Variants in SPEN observed in about 807,000 individuals in gnomAD.
The protein encoded by SPEN is spen family transcriptional repressor.
In SPEN, 18 loss-of-function variants were observed where a neutral mutation model predicts 269.9. The ratio of observed to expected loss-of-function variants is 0.07; its 90% confidence interval spans 0.05 to 0.10. SPEN has a LOEUF of 0.10. Ranked by LOEUF, SPEN falls within the 10% of genes least tolerant of loss-of-function variation. The pLI is 1.00. For missense variants in SPEN, 3,822 were observed against 4,631.2 expected (o/e 0.83, Z 5.07); for synonymous variants, 1,726 against 1,765.7 (o/e 0.98, Z 0.56).
Position 15,928,436 on chromosome 1 carries a change from A to G in SPEN, c.2196A>G (p.Arg732=), listed in dbSNP as rs555715522. 67 of 1,614,124 alleles carry G rather than the reference A, an allele frequency of 4.2e-5. 1 individual carries two copies. The South Asian group carries it at 6.9e-4, about 17-fold the overall frequency. The part of the protein sequence containing the change: ...IERSQSPVHL[R]RPQSPGASPS... ...GAAGTCAAAGTCCTGTTCACTTGCG[A>G]CGTCCACAGAGTCCTGGAGCGTCTC... The change falls in exon 11 of 15, where the codon CGA becomes CGG. Residue 732 remains arginine, a synonymous_variant. Transcript: ENST00000375759. The surrounding 1 kb of genome is among the most constrained non-coding windows in gnomAD (Gnocchi z 5.7).
chr1:15,867,861 A>G (rs888014033), intron 1 of SPEN, among the ~76,000 whole-genome samples: 2 of 151,644 alleles, frequency 1.3e-5, no homozygotes, highest in Non-Finnish European at 2.9e-5. Flanking sequence ...GTATCCGTAT[A>G]TGTGCTCTGC....
chr1:15,926,391 A>T (rs2071167777), intron 10 of SPEN, among the ~76,000 whole-genome samples: 1 of 150,976 alleles, frequency 6.6e-6, no homozygotes, highest in Admixed American at 6.6e-5. Context: ...ACATACACAC[A>T]CACACACACA....
Position 15,939,391 on chromosome 1 carries a change from C to T in SPEN, c.10959C>T (p.Ile3653=), listed in dbSNP as rs1428239536. The part of the protein sequence containing the change: ...APDLLASISN[I]SPHLMIVIAS... ...ACCTCCTTGCCAGCATCTCCAACAT[C>T]TCTCCCCACCTCATGATTGTCATTG... Residue 3653 remains isoleucine (I), a synonymous_variant, in exon 15 of 15, where the codon ATC becomes ATT. Coordinates refer to ENST00000375759, the MANE Select transcript of SPEN (RefSeq NM_015001.3). This position sits in a 1 kb window ranked among gnomAD's most constrained non-coding sequence, Gnocchi z 4.1. 1 of 1,605,064 alleles carries T rather than the reference C, an allele frequency of 6.2e-7. No individual in the cohort carries two copies. Among genetic ancestry groups the T allele is most frequent in the Non-Finnish European group, 8.5e-7 (1 of 1,175,838 alleles).
rs970852367 is a variant in SPEN at position 15,935,531 on chromosome 1, G to T, written c.9291G>T (p.Glu3097Asp). Residue 3097 changes from glutamate to aspartate, a missense_variant, in exon 11 of 15, where the codon GAG becomes GAT. By Grantham distance (45) the Glu-to-Asp change is conservative (BLOSUM62 2). This residue lies in a region of SPEN where 153 missense variants were observed against 228.5 expected (regional missense o/e 0.67). Transcript: ENST00000375759. This position sits in a 1 kb window ranked among gnomAD's most constrained non-coding sequence, Gnocchi z 7.7. The stretch of plus-strand genomic sequence containing the variant: ...CCCTGAGCCACCTCTCCCAGGGCGA[G>T]GTGAGAATGAACACTCCCACGCTGC... ...TVSLSHLSQG[E>D]VRMNTPTLPS... is the part of the protein sequence containing the mutation. 4 of 1,614,032 alleles carry T rather than the reference G, an allele frequency of 2.5e-6. No individual in the cohort carries two copies. The highest frequency in any genetic ancestry group is 3.4e-6 in the Non-Finnish European group (4 of 1,179,994).
chr1:15,929,515 C>G lies in SPEN; in HGVS notation c.3275C>G (p.Ala1092Gly), dbSNP rs867858239. The G allele has an allele frequency of 6.2e-7, 1 of 1,613,260 alleles. No homozygotes were observed. Among genetic ancestry groups the G allele is most frequent in the African/African-American group, 1.3e-5 (1 of 74,908 alleles). The change falls in exon 11 of 15, where the codon GCA becomes GGA. Residue 1092 changes from alanine (A) to glycine (G), a missense_variant. By Grantham distance (60) the Ala-to-Gly change is moderately conservative. This residue lies in a region of SPEN where 572 missense variants were observed against 582.6 expected (regional missense o/e 0.98). Coordinates refer to ENST00000375759, the MANE Select transcript of SPEN (RefSeq NM_015001.3). This position sits in a 1 kb window ranked among gnomAD's most constrained non-coding sequence, Gnocchi z 5.8. ...CTACAAGCAAGACTGGGAGAACTAG[C>G]AGGTGAATCTGTGGAAAATCAAGAA... ...SDLQARLGEL[A>G]GESVENQEVQ...
chr1:15,867,431 C>G (rs571369152), intron 1 of SPEN, among the ~76,000 whole-genome samples: 110 of 152,206 alleles, frequency 7.2e-4, no homozygotes, highest in Non-Finnish European at 1.2e-3. Context: ...TTCCTGAGCT[C>G]AAGCAATCTG....
At chr1:15,866,281 A>G (rs1451883521) in intron 1 of SPEN, among the ~76,000 whole-genome samples, 1 of 152,118 alleles carries the variant, frequency 6.6e-6, no homozygotes, top group Non-Finnish European at 1.5e-5. Context: ...TGCCATCTTT[A>G]GTAATTATTT....
chr1:15,909,985 G>A (rs889803529), intron 4 of SPEN, among the ~76,000 whole-genome samples: 4 of 151,924 alleles, frequency 2.6e-5, no homozygotes, highest in East Asian at 1.9e-4. Context: ...TTAGCTGGGC[G>A]TGGTGGCGGG....
chr1:15,915,322 G>GC lies in SPEN; in HGVS notation c.1244-805dup, dbSNP rs1324439746. On this transcript the variant is annotated intron_variant, in intron 5 of 14. Coordinates refer to ENST00000375759, the MANE Select transcript of SPEN (RefSeq NM_015001.3). ...GCCCAGAGACCAGCCTGGGCAACAGGCTGGGGGGGTGGAAAAACTAGCTAG... is the reference window on the plus strand; with the variant it reads ...GCCCAGAGACCAGCCTGGGCAACAGGCCTGGGGGGGTGGAAAAACTAGCTAG... 9.9e-5 allele frequency among the ~76,000 whole-genome samples: 15 copies of GC among 152,226 alleles called. No homozygotes were observed. In the East Asian group the frequency reaches 2.9e-3, roughly 29 times the overall value.
chr1:15,860,790 C>CG (rs1272938541), intron 1 of SPEN, among the ~76,000 whole-genome samples: 2 of 151,524 alleles, frequency 1.3e-5, no homozygotes, highest in African/African-American at 4.8e-5. Flanking sequence ...TTAGTAGAGA[C>CG]GGGGTTTCAC....
chr1:15,874,300 C>A, intron 2 of SPEN: 1 of 1,366,398 alleles, frequency 7.3e-7, no homozygotes, highest in Non-Finnish European at 9.8e-7. Flanking sequence ...AGGTGGATTA[C>A]CCCCATAAGA....
chr1:15,897,725 C>T (rs1012453245), intron 3 of SPEN, among the ~76,000 whole-genome samples: 1 of 152,126 alleles, frequency 6.6e-6, no homozygotes, highest in Non-Finnish European at 1.5e-5. Flanking sequence ...TCTCAAACTC[C>T]TGACCTTAGG....
chr1:15,894,540 T>G (rs913335271), intron 3 of SPEN, among the ~76,000 whole-genome samples: 3 of 142,436 alleles, frequency 2.1e-5, no homozygotes, highest in African/African-American at 5.5e-5. Flanking sequence ...ATGGTTGTTT[T>G]TTTTTTTTTT....
chr1:15,928,077 T>C lies in SPEN; in HGVS notation c.1851-14T>C, dbSNP rs927762625. 8.9e-6 allele frequency: 14 copies of C among 1,574,008 alleles called. No homozygotes were observed. The highest frequency in any genetic ancestry group is 1.2e-5 in the Non-Finnish European group (14 of 1,157,364). ...GGAAACAAAAGAACTAATATCTTTG[T>C]TATTTTTTGGCAGAGAGGAACGAAG... On this transcript the variant is annotated splice_polypyrimidine_tract_variant and intron_variant, in intron 10 of 14. Transcript: ENST00000375759. The surrounding 1 kb of genome is among the most constrained non-coding windows in gnomAD (Gnocchi z 5.7).
chr1:15,856,032 G>T (rs377618885), intron 1 of SPEN, among the ~76,000 whole-genome samples: 7 of 92,512 alleles, frequency 7.6e-5, no homozygotes, highest in Admixed American at 1.5e-4. Flanking sequence ...TCTCTCTCTT[G>T]CCCAGGCTGG....
intron 3 of SPEN, among the ~76,000 whole-genome samples, chr1:15,878,023 G>T (rs2070649670): frequency 6.6e-6 from 1 of 152,074 alleles, no homozygotes; most frequent in South Asian, 2.1e-4. Flanking sequence ...GGGATTACCA[G>T]TGTGAGCTAC....
chr1:15,932,617 G>A lies in SPEN; in HGVS notation c.6377G>A (p.Ser2126Asn). The A allele has an allele frequency of 1.9e-6, 3 of 1,608,530 alleles. No individual in the cohort carries two copies. Among genetic ancestry groups the A allele is most frequent in the Non-Finnish European group, 2.6e-6 (3 of 1,176,292 alleles). Residue 2126 changes from serine (S) to asparagine (N), a missense_variant, in exon 11 of 15, where the codon AGT becomes AAT. By Grantham distance (46) the Ser-to-Asn change is conservative. Transcript: ENST00000375759. This position sits in a 1 kb window ranked among gnomAD's most constrained non-coding sequence, Gnocchi z 4.2. ...VVAVSPEKSE[S>N]PQKEDGLSSQ... ...GCAGTCTCCCCTGAGAAAAGTGAGA[G>A]TCCCCAAAAGGAGGATGGTTTATCA...
chr1:15,938,911 C>T, intron 14 of SPEN, 35 bp downstream of exon 14: 4 of 1,603,312 alleles, frequency 2.5e-6, no homozygotes, highest in South Asian at 1.1e-5. Flanking sequence ...CACATGTACA[C>T]CCACAGGTGG....
rs2071282129 is a variant in SPEN at position 15,937,056 on chromosome 1, A to T, written c.10027-107A>T. 2.0e-6 allele frequency: 3 copies of T among 1,472,706 alleles called. No individual in the cohort carries two copies. The highest frequency in any genetic ancestry group is 2.2e-5 in the Admixed American group (1 of 46,226). The allele number at this position is 1,472,706 out of a possible 1,614,324, so 91.2% of individuals were successfully genotyped here. A position where few individuals can be genotyped will look rare whatever the true frequency, so the allele number is the denominator to read the frequency against. On this transcript the variant is annotated intron_variant, in intron 11 of 14. Coordinates refer to ENST00000375759, the MANE Select transcript of SPEN (RefSeq NM_015001.3). The surrounding 1 kb of genome is among the most constrained non-coding windows in gnomAD (Gnocchi z 5.7). ...TTCTGTGGGCCTGACTTAACGGGAGATGCCACATCTTATCCTTTCCCTGTG... is the reference window on the plus strand; with the variant it reads ...TTCTGTGGGCCTGACTTAACGGGAGTTGCCACATCTTATCCTTTCCCTGTG...
Sources: gnomAD v4.1 joint callset for allele counts (sites outside exome capture counted in the v4.1 genomes callset) on GRCh38, gnomAD v4.1.1 for gene constraint, gnomAD v4.1.1 regional missense constraint, Gnocchi (gnomAD v3.1) non-coding constraint, MANE v1.5 for transcripts, NCBI Gene and HGNC (gene_info 2026-07-23, HGNC 2026-07-21) for gene names.